KHDRBS2: variants seen among roughly 807,000 people sequenced by gnomAD.
KHDRBS2 encodes KH RNA binding domain containing, signal transduction associated 2.
Under a neutral mutation model 44.3 loss-of-function variants are expected in KHDRBS2, and 26 were observed. The ratio of observed to expected loss-of-function variants is 0.59; its 90% CI spans 0.43 to 0.81. KHDRBS2 has a LOEUF of 0.81. Ranked by LOEUF, KHDRBS2 falls within the 40% of genes least tolerant of loss-of-function variation. KHDRBS2 has a pLI of 0.00. For synonymous variants in KHDRBS2, 194 were observed against 151.1 expected (o/e 1.28, Z -2.08); for missense variants, 476 against 433.1 (o/e 1.10, Z -0.88).
chr6:61,900,062 T>C (rs984862381), intron 5 of KHDRBS2, among the ~76,000 whole-genome samples: 1 of 152,052 alleles, frequency 6.6e-6, no homozygotes, highest in Non-Finnish European at 1.5e-5. Context: ...TTTTTGATTT[T>C]TTAAAGATAA....
chr6:61,941,930 A>C (rs1812213439), intron 4 of KHDRBS2, among the ~76,000 whole-genome samples: 1 of 152,060 alleles, frequency 6.6e-6, no homozygotes, highest in Non-Finnish European at 1.5e-5. Context: ...AGAAATTCAA[A>C]ACATTCCAGA....
intron 7 of KHDRBS2, among the ~76,000 whole-genome samples, chr6:61,729,917 C>A: frequency 6.6e-6 from 1 of 152,006 alleles, no homozygotes; most frequent in Non-Finnish European, 1.5e-5. Context: ...TATTTAATAA[C>A]AGTGTCTTTT....
chr6:62,200,979 G>A (rs372100506), intron 1 of KHDRBS2, among the ~76,000 whole-genome samples: 3 of 152,052 alleles, frequency 2.0e-5, no homozygotes, highest in South Asian at 4.1e-4. Context: ...GCAAACTATC[G>A]CAAGGACAAA....
At chr6:61,974,278 C>A (rs925677074) in intron 4 of KHDRBS2, among the ~76,000 whole-genome samples, 1 of 151,896 alleles carries the variant, frequency 6.6e-6, no homozygotes. Context: ...AAATGTTACC[C>A]CCTAGAGTTG....
chr6:62,272,841 T>C (rs1840300767), intron 1 of KHDRBS2, among the ~76,000 whole-genome samples: 1 of 152,152 alleles, frequency 6.6e-6, no homozygotes, highest in African/African-American at 2.4e-5. Flanking sequence ...CACATTACAC[T>C]GAGCAAGTTA....
intron 1 of KHDRBS2, among the ~76,000 whole-genome samples, chr6:62,236,357 T>C (rs1833704880): frequency 6.6e-6 from 1 of 151,988 alleles, no homozygotes; most frequent in South Asian, 2.1e-4. Flanking sequence ...AAATGAAAAG[T>C]ATTAATGAAA....
chr6:62,105,600 A>G (rs1286244679), intron 2 of KHDRBS2, among the ~76,000 whole-genome samples: 3 of 152,070 alleles, frequency 2.0e-5, no homozygotes, highest in African/African-American at 4.8e-5. Flanking sequence ...GGTAGTTTGT[A>G]TTTCTGTGGG....
At chr6:62,132,009 T>C (rs1447538293) in intron 2 of KHDRBS2, among the ~76,000 whole-genome samples, 2 of 152,182 alleles carry the variant, frequency 1.3e-5, no homozygotes, top group African/African-American at 2.4e-5. Flanking sequence ...TCAGTATATT[T>C]TGATGAACTA....
chr6:61,640,530 G>A, the KHDRBS2 span, among the ~76,000 whole-genome samples: 1 of 152,016 alleles, frequency 6.6e-6, no homozygotes, highest in African/African-American at 2.4e-5. Flanking sequence ...TACCACACAA[G>A]GCTATTGAAT....
chr6:61,988,264 T>C (rs1357194964), intron 3 of KHDRBS2, among the ~76,000 whole-genome samples: 2 of 152,196 alleles, frequency 1.3e-5, no homozygotes, highest in Non-Finnish European at 2.9e-5. Context: ...AGAAGGCAAT[T>C]AATCTTGACC....
intron 6 of KHDRBS2, among the ~76,000 whole-genome samples, chr6:61,780,374 C>T (rs892765606): frequency 2.0e-5 from 3 of 151,982 alleles, no homozygotes; most frequent in African/African-American, 7.2e-5. Context: ...GTGGCGTGTG[C>T]CTGTAGTCCC....
At chr6:62,266,590 C>T (rs1271297274) in intron 1 of KHDRBS2, among the ~76,000 whole-genome samples, 1 of 151,912 alleles carries the variant, frequency 6.6e-6, no homozygotes, top group African/African-American at 2.4e-5. Context: ...CCTGAGATCA[C>T]CTCAAAAATA....
intron 1 of KHDRBS2, among the ~76,000 whole-genome samples, chr6:62,284,737 TAATATA>T (rs1372084800): frequency 1.3e-5 from 2 of 152,178 alleles, no homozygotes; most frequent in African/African-American, 4.8e-5. Flanking sequence ...ACTTCATTGT[TAATATA>T]AATAACAATT....
At chr6:61,909,546 T>C (rs1296051855) in intron 4 of KHDRBS2, among the ~76,000 whole-genome samples, 2 of 152,166 alleles carry the variant, frequency 1.3e-5, no homozygotes, top group African/African-American at 4.8e-5. Context: ...ATTCCCCCTA[T>C]GAAATAATTT....
chr6:61,920,286 A>C (rs1807823742), intron 4 of KHDRBS2, among the ~76,000 whole-genome samples: 1 of 151,920 alleles, frequency 6.6e-6, no homozygotes, highest in African/African-American at 2.4e-5. Context: ...CTGGGGCCTA[A>C]ATTTACATAT....
intron 6 of KHDRBS2, among the ~76,000 whole-genome samples, chr6:61,762,526 T>C (rs1779423469): frequency 6.6e-6 from 1 of 152,104 alleles, no homozygotes; most frequent in Non-Finnish European, 1.5e-5. Context: ...GCTAGTTGTT[T>C]GAATCTTGCA....
intron 1 of KHDRBS2, among the ~76,000 whole-genome samples, chr6:62,248,330 G>A (rs1009303149): frequency 6.7e-6 from 1 of 149,842 alleles, no homozygotes; most frequent in African/African-American, 2.4e-5. Flanking sequence ...ATCTAATCCA[G>A]TTTCAATATT....
chr6:61,954,478 T>C (rs1403972179), intron 4 of KHDRBS2, among the ~76,000 whole-genome samples: 42 of 146,550 alleles, frequency 2.9e-4, no homozygotes, highest in African/African-American at 1.0e-3. Context: ...TATGTGTATA[T>C]ACACATGCGT....
intron 6 of KHDRBS2, among the ~76,000 whole-genome samples, chr6:61,852,507 T>G (rs1417320878): frequency 6.8e-6 from 1 of 147,166 alleles, no homozygotes; most frequent in Non-Finnish European, 1.5e-5. Flanking sequence ...GAGGCTGCAG[T>G]GAGACGAGAT....
Sources: gnomAD v4.1 joint callset for allele counts (sites outside exome capture counted in the v4.1 genomes callset) on GRCh38, gnomAD v4.1.1 for gene constraint, MANE v1.5 for transcripts, NCBI Gene and HGNC (gene_info 2026-07-23, HGNC 2026-07-21) for gene names.